SNTG1: variants seen among roughly 807,000 people sequenced by gnomAD.
SNTG1 encodes the protein syntrophin gamma 1.
A neutral mutation model predicts 74.7 loss-of-function variants in SNTG1; 39 were observed. The observed-to-expected ratio is 0.52, with a 90% confidence interval of 0.40 to 0.68. The LOEUF is 0.68. SNTG1 is among the 30% of genes least tolerant of loss of function. The pLI is 0.00. For synonymous variants in SNTG1, 254 were observed against 217.1 expected, an observed-to-expected ratio of 1.17 and a Z score of -1.49; for missense variants, 685 against 609.5, an observed-to-expected ratio of 1.12 and a Z score of -1.30.
At chr8:50,208,915 C>T (rs914746766) in intron 2 of SNTG1, among the ~76,000 whole-genome samples, 1 of 152,112 alleles carries the variant, frequency 6.6e-6, no homozygotes, top group Non-Finnish European at 1.5e-5. Flanking sequence ...TGGGTTCAGC[C>T]CACGGAGCAG....
chr8:50,584,797 T>C (rs2094636463), intron 12 of SNTG1, among the ~76,000 whole-genome samples: 1 of 152,164 alleles, frequency 6.6e-6, no homozygotes, highest in Non-Finnish European at 1.5e-5. Flanking sequence ...CTTACTGTGA[T>C]CTGGCACCGA....
At chr8:50,747,919 A>G (rs1344012278) in intron 17 of SNTG1, 1 of 151,908 alleles carries the variant, frequency 6.6e-6, no homozygotes, top group Non-Finnish European at 1.5e-5. Context: ...TCTTTTTTGT[A>G]GACAGGGTTT....
chr8:50,198,798 G>A (rs1171190059), intron 2 of SNTG1, among the ~76,000 whole-genome samples: 1 of 151,864 alleles, frequency 6.6e-6, no homozygotes, highest in Admixed American at 6.6e-5. Context: ...CTATGATCTT[G>A]GACTTTTTTG....
intron 1 of SNTG1, among the ~76,000 whole-genome samples, chr8:50,023,662 C>T (rs1225645530): frequency 6.6e-6 from 1 of 152,154 alleles, no homozygotes; most frequent in Admixed American, 6.6e-5. Context: ...TTGGGAACCT[C>T]TTTCCTGGTC....
intron 1 of SNTG1, among the ~76,000 whole-genome samples, chr8:49,935,502 T>A (rs1807993703): frequency 7.8e-6 from 1 of 128,418 alleles, no homozygotes; most frequent in Admixed American, 8.8e-5. Context: ...AGTGGCTTCA[T>A]GTGAGGAAGG....
chr8:50,510,682 G>T (rs139683117), intron 9 of SNTG1, among the ~76,000 whole-genome samples: 8,270 of 152,170 alleles, frequency 0.054, 342 homozygotes, highest in South Asian at 0.18. Context: ...ATTTCTTCTA[G>T]GTTTTCTAGT....
chr8:50,773,191 A>T (rs2095631702), intron 18 of SNTG1, among the ~76,000 whole-genome samples: 1 of 152,252 alleles, frequency 6.6e-6, no homozygotes, highest in South Asian at 2.1e-4. Context: ...ACAGTTTAAG[A>T]TCACACCTAC....
At chr8:50,670,240 A>T (rs376634827) in intron 15 of SNTG1, among the ~76,000 whole-genome samples, 1 of 151,704 alleles carries the variant, frequency 6.6e-6, no homozygotes, top group Non-Finnish European at 1.5e-5. Context: ...TAGGAAAAGA[A>T]GAAGTCAAAT....
chr8:49,935,567 A>C (rs555945757), intron 1 of SNTG1, among the ~76,000 whole-genome samples: 1 of 151,394 alleles, frequency 6.6e-6, no homozygotes, highest in Non-Finnish European at 1.5e-5. Context: ...CATGCAGCCC[A>C]GGTGACTCTA....
chr8:50,445,272 G>T (rs554983345), intron 5 of SNTG1, among the ~76,000 whole-genome samples: 2 of 152,226 alleles, frequency 1.3e-5, no homozygotes, highest in South Asian at 4.2e-4. Context: ...GTTGTCCATT[G>T]CAGCTCTTAA....
At chr8:50,493,884 C>T in intron 8 of SNTG1, among the ~76,000 whole-genome samples, 1 of 151,384 alleles carries the variant, frequency 6.6e-6, no homozygotes, top group East Asian at 1.9e-4. Context: ...CCATTATCTC[C>T]ATTATTTTTC....
intron 1 of SNTG1, among the ~76,000 whole-genome samples, chr8:50,131,612 C>G (rs534503322): frequency 7.9e-4 from 120 of 152,152 alleles, no homozygotes; most frequent in African/African-American, 2.7e-3. Context: ...GTTTTCATAT[C>G]TTGGCTATTG....
rs115914106 is a variant in SNTG1 at position 50,371,070 on chromosome 8, C to A, written c.-27-23142C>A. ...ATGCTAGACTGGCCTTTGGAGGCTT[C>A]TATAGGTGAACCACAGCATGGGTCT... On this transcript the variant is annotated intron_variant, in intron 2 of 18. Transcript: ENST00000642720. Among the ~76,000 whole-genome samples, 849 of 152,232 alleles carry A rather than the reference C, an allele frequency of 5.6e-3. 12 individuals are homozygous for A. Among genetic ancestry groups the A allele is most frequent in the African/African-American group, 0.02 (814 of 41,538 alleles).
intron 15 of SNTG1, among the ~76,000 whole-genome samples, chr8:50,660,418 GAA>G (rs1447319092): frequency 8.4e-5 from 1 of 11,938 alleles, no homozygotes; most frequent in Non-Finnish European, 2.0e-4. Flanking sequence ...AGAAAAGAAA[GAA>G]AGAAAGAAGA....
intron 1 of SNTG1, among the ~76,000 whole-genome samples, chr8:50,025,660 T>A (rs933865186): frequency 2.6e-5 from 4 of 152,148 alleles, no homozygotes; most frequent in Non-Finnish European, 5.9e-5. Flanking sequence ...AGATTTCAAA[T>A]GTTGAGGAAA....
chr8:50,500,717 C>T (rs1336955561), intron 8 of SNTG1, among the ~76,000 whole-genome samples: 2 of 152,026 alleles, frequency 1.3e-5, no homozygotes, highest in Non-Finnish European at 2.9e-5. Flanking sequence ...TCCATGGTTC[C>T]ATTTACAATA....
intron 8 of SNTG1, among the ~76,000 whole-genome samples, chr8:50,477,957 T>G (rs2093709800): frequency 6.6e-6 from 1 of 152,244 alleles, no homozygotes; most frequent in Admixed American, 6.5e-5. Context: ...TGTATTGATA[T>G]AATGCTAATG....
At chr8:50,262,515 A>G (rs989789103) in intron 2 of SNTG1, among the ~76,000 whole-genome samples, 1 of 152,082 alleles carries the variant, frequency 6.6e-6, no homozygotes, top group African/African-American at 2.4e-5. Context: ...GGTTCACGCC[A>G]TTCTCCTGCT....
intron 15 of SNTG1, among the ~76,000 whole-genome samples, chr8:50,681,442 T>C (rs1585510995): frequency 6.6e-6 from 1 of 152,292 alleles, no homozygotes; most frequent in East Asian, 1.9e-4. Context: ...TAAAAACATA[T>C]TTCATTAGGG....
Sources: allele counts gnomAD v4.1 joint callset (sites outside exome capture counted in the v4.1 genomes callset), GRCh38; gene constraint gnomAD v4.1.1; transcripts MANE v1.5; gene names NCBI Gene and HGNC (gene_info 2026-07-23, HGNC 2026-07-21).